Variants in TMEM40 observed in about 807,000 individuals in gnomAD.
TMEM40 encodes the protein transmembrane protein 40.
In TMEM40, 34 loss-of-function variants were observed where a neutral mutation model predicts 40.8. That is an observed-to-expected ratio of 0.83 (90% CI 0.63 to 1.11). The LOEUF (loss-of-function observed/expected upper bound fraction) is 1.11. Ranked by LOEUF, TMEM40 falls within the 50% of genes least tolerant of loss-of-function variation. The pLI is 0.00. For synonymous variants in TMEM40, 106 were observed against 107.0 expected (o/e 0.99, Z 0.06); for missense variants, 296 against 280.2 (o/e 1.06, Z -0.40).
chr3:12,740,985 A>T (rs2061377984), intron 5 of TMEM40, among the ~76,000 whole-genome samples: 1 of 151,856 alleles, frequency 6.6e-6, no homozygotes, highest in East Asian at 1.9e-4. Flanking sequence ...CAGGCTATCC[A>T]GATGCATGTG....
Position 12,748,806 on chromosome 3 carries a change from A to G in TMEM40, c.74-14T>C. On this transcript the variant is annotated splice_polypyrimidine_tract_variant and intron_variant, in intron 2 of 11. Transcript: ENST00000314124. ...CTGTCTCTCCATCTACAAGGCACAC[A>G]GAGGCCAGGGGATGAGCGTTTCCCA... 1 of 1,613,440 alleles carries G rather than the reference A, an allele frequency of 6.2e-7. No homozygotes were observed. The highest frequency in any genetic ancestry group is 8.5e-7 in the Non-Finnish European group (1 of 1,179,570).
chr3:12,742,339 A>G (rs1293596409), intron 5 of TMEM40, 115 bp downstream of exon 5: 22 of 1,252,690 alleles, frequency 1.8e-5, no homozygotes, highest in Non-Finnish European at 6.8e-6. Context: ...CATCTCCTGT[A>G]TTTGGCTGGG....
chr3:12,765,598 C>T (rs563123550), intron 1 of TMEM40, among the ~76,000 whole-genome samples: 17 of 147,814 alleles, frequency 1.2e-4, no homozygotes, highest in Admixed American at 2.0e-4. Flanking sequence ...GACGGAGTCT[C>T]GCTCTGTTGC....
chr3:12,736,862 T>C (rs768876927), intron 8 of TMEM40, 27 bp from the exon 9 acceptor site: 1 of 1,613,878 alleles, frequency 6.2e-7, no homozygotes, highest in Non-Finnish European at 8.5e-7. Flanking sequence ...GGGCAATCAC[T>C]ATCTGCTGCT....
Position 12,744,104 on chromosome 3 carries a change from G to C in TMEM40, c.212-115C>G, listed in dbSNP as rs560220334. 9.1e-5 allele frequency: 96 copies of C among 1,056,458 alleles called. 1 individual carries two copies. In the East Asian group the frequency reaches 2.4e-3, roughly 26 times the overall value. 65.4% of individuals were successfully genotyped at this position (1,056,458 alleles called of 1,614,324 possible). On this transcript the variant is annotated intron_variant, in intron 3 of 11. Coordinates refer to ENST00000314124, the MANE Select transcript of TMEM40 (RefSeq NM_018306.4). Reference sequence around the variant, plus strand: ...TTTATGAGAAGAGTGTGGTTTGGTGGGAGGAACTCTGATTTGGGGACTGGA... The same window carrying C: ...TTTATGAGAAGAGTGTGGTTTGGTGCGAGGAACTCTGATTTGGGGACTGGA...
chr3:12,764,924 T>G (rs1312040078), intron 1 of TMEM40, among the ~76,000 whole-genome samples: 1 of 152,054 alleles, frequency 6.6e-6, no homozygotes, highest in Non-Finnish European at 1.5e-5. Context: ...CAGGGTGGAG[T>G]GCAGTGGCGC....
intron 5 of TMEM40, 88 bp from the exon 6 acceptor site, chr3:12,738,676 A>G: frequency 1.4e-6 from 2 of 1,425,658 alleles, no homozygotes; most frequent in Non-Finnish European, 2.0e-6. Flanking sequence ...TCCTGCTCGG[A>G]GACTTCCCAC....
At chr3:12,748,583 A>T in intron 3 of TMEM40, 72 bp downstream of exon 3, 1 of 1,551,814 alleles carries the variant, frequency 6.4e-7, no homozygotes, top group Non-Finnish European at 8.7e-7. Flanking sequence ...AATGACTTCA[A>T]GTATGGGGGA....
intron 3 of TMEM40, among the ~76,000 whole-genome samples, chr3:12,746,667 G>A (rs1208384509): frequency 4.6e-5 from 7 of 152,142 alleles, no homozygotes; most frequent in Admixed American, 1.3e-4. Flanking sequence ...GTCAGTCACC[G>A]TAGGATCAGG....
Position 12,734,547 on chromosome 3 carries a change from C to T in TMEM40, c.*227G>A. The T allele has an allele frequency of 1.8e-6, 1 of 550,960 alleles. No homozygotes were observed. Among genetic ancestry groups the T allele is most frequent in the South Asian group, 2.4e-5 (1 of 42,540 alleles). The allele number at this position is 550,960 out of a possible 1,614,324, so 34.1% of individuals were successfully genotyped here. A position where few individuals can be genotyped will look rare whatever the true frequency, so the allele number is the denominator to read the frequency against. On this transcript the variant is annotated 3_prime_UTR_variant, in exon 12 of 12. Coordinates refer to ENST00000314124, the MANE Select transcript of TMEM40 (RefSeq NM_018306.4). ...AAGCCTCAGGCCCCACACCCACCCT[C>T]TGCCTTCCATCCTTGCAGCTGGGTT...
chr3:12,753,828 T>A (rs551102903), intron 1 of TMEM40, among the ~76,000 whole-genome samples: 10 of 152,276 alleles, frequency 6.6e-5, no homozygotes. Context: ...CTAAACTGGA[T>A]TTCCCCTTCA....
chr3:12,769,339 A>T (rs1417391153), exon 1 of TMEM40: 1 of 288,452 alleles, frequency 3.5e-6, no homozygotes, highest in Admixed American at 3.7e-5. Flanking sequence ...GGGCTCCTCA[A>T]GTGCGGCCAG....
chr3:12,743,573 C>T (rs1239876116), intron 4 of TMEM40, among the ~76,000 whole-genome samples: 1 of 152,060 alleles, frequency 6.6e-6, no homozygotes, highest in Non-Finnish European at 1.5e-5. Context: ...ATAATTCCAC[C>T]ATCCTGAGAT....
chr3:12,744,995 C>G (rs1308662816), intron 3 of TMEM40, among the ~76,000 whole-genome samples: 5 of 152,068 alleles, frequency 3.3e-5, no homozygotes, highest in African/African-American at 1.2e-4. Context: ...CAAAAAATGA[C>G]TTTTTATTGC....
exon 1 of TMEM40, chr3:12,769,275 C>T (rs1323592271): frequency 1.7e-5 from 7 of 412,934 alleles, no homozygotes; most frequent in Admixed American, 1.5e-4. Flanking sequence ...AGGGAGCCGG[C>T]TCCGGCCTCG....
intron 3 of TMEM40, among the ~76,000 whole-genome samples, chr3:12,748,236 G>A (rs2061444483): frequency 6.6e-6 from 1 of 152,214 alleles, no homozygotes; most frequent in Non-Finnish European, 1.5e-5. Flanking sequence ...CAGGGGTTGA[G>A]CAGTTTACCC....
intron 1 of TMEM40, among the ~76,000 whole-genome samples, chr3:12,756,547 T>C (rs981434500): frequency 1.3e-5 from 2 of 152,196 alleles, no homozygotes; most frequent in Non-Finnish European, 2.9e-5. Context: ...TAAAACTTTT[T>C]TGAGGCTCCA....
intron 1 of TMEM40, among the ~76,000 whole-genome samples, chr3:12,767,610 G>C (rs762439324): frequency 3.3e-5 from 5 of 152,200 alleles, no homozygotes; most frequent in Non-Finnish European, 7.4e-5. Context: ...TGGCTAGATA[G>C]AAATGCTCTC....
At chr3:12,756,557 A>C (rs762484303) in intron 1 of TMEM40, among the ~76,000 whole-genome samples, 5 of 152,184 alleles carry the variant, frequency 3.3e-5, no homozygotes, top group Non-Finnish European at 7.4e-5. Flanking sequence ...TTGAGGCTCC[A>C]CTGACACATT....
Sources: gnomAD v4.1 joint callset for allele counts (sites outside exome capture counted in the v4.1 genomes callset) on GRCh38, gnomAD v4.1.1 for gene constraint, MANE v1.5 for transcripts, NCBI Gene and HGNC (gene_info 2026-07-23, HGNC 2026-07-21) for gene names.